The following TAF12 variants were observed in gnomAD, a reference collection of about 807,000 sequenced individuals.
TAF12 encodes TATA-box binding protein associated factor 12.
A neutral mutation model predicts 20.8 loss-of-function variants in TAF12; 3 were observed. The ratio of observed to expected loss-of-function variants is 0.14; its 90% confidence interval spans 0.07 to 0.37. TAF12 has a LOEUF of 0.37. Ranked by LOEUF, TAF12 falls within the 10% of genes least tolerant of loss-of-function variation. The pLI is 1.00. For missense variants in TAF12, 131 were observed against 197.9 expected (o/e 0.66, Z 2.03); for synonymous variants, 69 against 70.2 (o/e 0.98, Z 0.09).
chr1:28,605,963 C>T (rs1156230546), intron 4 of TAF12, among the ~76,000 whole-genome samples: 1 of 152,054 alleles, frequency 6.6e-6, no homozygotes, highest in East Asian at 1.9e-4. Context: ...TCCTGAGTAG[C>T]TGGGATTACA....
chr1:28,624,504 TG>T (rs1331385894), intron 1 of TAF12, among the ~76,000 whole-genome samples: 3 of 152,158 alleles, frequency 2.0e-5, no homozygotes, highest in Admixed American at 2.0e-4. Context: ...CCCAGCACTT[TG>T]GGAGGCCAAG....
chr1:28,605,541 G>A, intron 4 of TAF12, 81 bp from the exon 5 acceptor site: 1 of 1,339,260 alleles, frequency 7.5e-7, no homozygotes, highest in Non-Finnish European at 1.0e-6. Flanking sequence ...TTGGATCAGG[G>A]AGGATGAATG....
At chr1:28,635,497 G>C (rs1018483035) in intron 1 of TAF12, among the ~76,000 whole-genome samples, 1 of 151,246 alleles carries the variant, frequency 6.6e-6, no homozygotes, top group African/African-American at 2.4e-5. Flanking sequence ...AGTAGACATG[G>C]GGTTTCACCG....
upstream of TAF12, chr1:28,643,448 C>T (rs1364022769): frequency 6.6e-6 from 1 of 152,140 alleles, no homozygotes; most frequent in Non-Finnish European, 1.5e-5. Context: ...GGACACATTA[C>T]CCCACAGGTA....
At chr1:28,619,454 C>A (rs1476463193) in intron 2 of TAF12, among the ~76,000 whole-genome samples, 1 of 140,044 alleles carries the variant, frequency 7.1e-6, no homozygotes, top group Non-Finnish European at 1.5e-5. Context: ...GACGAGATTG[C>A]GCCACTGCAC....
intron 2 of TAF12, among the ~76,000 whole-genome samples, chr1:28,621,248 T>TACAC (rs1553128348): frequency 6.6e-6 from 1 of 152,282 alleles, no homozygotes; most frequent in East Asian, 1.9e-4. Flanking sequence ...CTTGAAATAC[T>TACAC]GGGCGAACTC....
intron 1 of TAF12, among the ~76,000 whole-genome samples, chr1:28,637,839 A>G (rs1667890570): frequency 6.6e-6 from 1 of 152,080 alleles, no homozygotes; most frequent in African/African-American, 2.4e-5. Flanking sequence ...GGCTTTCCAT[A>G]AAGAATCCCA....
intron 1 of TAF12, among the ~76,000 whole-genome samples, chr1:28,625,355 A>G (rs906622280): frequency 6.6e-6 from 1 of 152,134 alleles, no homozygotes; most frequent in African/African-American, 2.4e-5. Flanking sequence ...TCTGGGCAAC[A>G]TAGTGAGACA....
At position 28,621,974 on chromosome 1, in the gene TAF12, T is replaced by G; in HGVS notation, c.108A>C (p.Ala36=). 1 of 1,614,132 alleles carries G rather than the reference T, an allele frequency of 6.2e-7. No homozygotes were observed. The highest frequency in any genetic ancestry group is 8.5e-7 in the Non-Finnish European group (1 of 1,180,022). ...PPQGSMANST[A]VVKIPGTPGA... The stretch of plus-strand genomic sequence containing the variant: ...CAGGAGTGCCTGGTATCTTTACCAC[T>G]GCAGTACTATTGGCCATGGAGCCTT... Residue 36 remains alanine, a synonymous_variant, in exon 2 of 6, where the codon GCA becomes GCC. Transcript: ENST00000373824.
At chr1:28,628,317 AT>A (rs1570324304) in intron 1 of TAF12, among the ~76,000 whole-genome samples, 2 of 142,636 alleles carry the variant, frequency 1.4e-5, no homozygotes, top group East Asian at 4.2e-4. Flanking sequence ...GTGAGCCGAG[AT>A]TGCGCCACTG....
At chr1:28,635,276 CTTTTTTTTTTTTTTTTT>C (rs1179724707) in intron 1 of TAF12, among the ~76,000 whole-genome samples, 9 of 100,636 alleles carry the variant, frequency 8.9e-5, no homozygotes, top group African/African-American at 3.3e-4. Context: ...ATCCTCCCTC[CTTTTTTTTTTTTTTTTT>C]TTTTTTTTGA....
At chr1:28,616,708 C>A (rs983204106) in intron 3 of TAF12, among the ~76,000 whole-genome samples, 1 of 151,708 alleles carries the variant, frequency 6.6e-6, no homozygotes, top group Non-Finnish European at 1.5e-5. Flanking sequence ...TATACTCCAG[C>A]CTGGGCAACA....
intron 1 of TAF12, among the ~76,000 whole-genome samples, chr1:28,625,818 G>A (rs1350593630): frequency 6.6e-6 from 1 of 151,634 alleles, no homozygotes; most frequent in African/African-American, 2.4e-5. Flanking sequence ...TGAGATTACA[G>A]GCGTGAGCCA....
At chr1:28,603,605 A>G in intron 5 of TAF12, 31 bp from the exon 6 acceptor site, 1 of 1,613,060 alleles carries the variant, frequency 6.2e-7, no homozygotes, top group Non-Finnish European at 8.5e-7. Flanking sequence ...GCAGTTATAC[A>G]GCAGCAGCTG....
At chr1:28,620,494 G>A (rs2124334466) in intron 2 of TAF12, among the ~76,000 whole-genome samples, 1 of 151,372 alleles carries the variant, frequency 6.6e-6, no homozygotes, top group Admixed American at 6.6e-5. Flanking sequence ...GGAGTGCAGT[G>A]GCGCAATCTC....
chr1:28,626,169 G>C (rs1208411335), intron 1 of TAF12, among the ~76,000 whole-genome samples: 1 of 151,468 alleles, frequency 6.6e-6, no homozygotes, highest in Non-Finnish European at 1.5e-5. Flanking sequence ...AGTAGAGGAG[G>C]GGTTTCACCA....
chr1:28,635,826 T>A lies in TAF12; in HGVS notation c.-85+7166A>T, dbSNP rs75286150. ...TATTCCATTAACTGTTTTTTTTTTT[T>A]TAAAAAAACAAAACAAAGGTGAAGA... On this transcript the variant is annotated intron_variant, in intron 1 of 5. Coordinates refer to ENST00000373824, the MANE Select transcript of TAF12 (RefSeq NM_005644.4). Among the ~76,000 whole-genome samples, 1,291 of 149,392 alleles carry A rather than the reference T, an allele frequency of 8.6e-3. 9 individuals carry two copies. Among genetic ancestry groups the A allele is most frequent in the South Asian group, 0.022 (103 of 4,738 alleles).
intron 1 of TAF12, among the ~76,000 whole-genome samples, chr1:28,630,134 GAA>G (rs1459694826): frequency 2.0e-5 from 3 of 151,838 alleles, no homozygotes; most frequent in Non-Finnish European, 2.9e-5. Flanking sequence ...TTTGTAGAGA[GAA>G]AGTCTCACCA....
intron 3 of TAF12, 40 bp downstream of exon 3, chr1:28,617,913 T>C: frequency 6.3e-7 from 1 of 1,595,730 alleles, no homozygotes; most frequent in Non-Finnish European, 8.6e-7. Flanking sequence ...CTATACCGGT[T>C]CTCAGGGACC....
Sources: allele counts gnomAD v4.1 joint callset (sites outside exome capture counted in the v4.1 genomes callset), GRCh38; gene constraint gnomAD v4.1.1; transcripts MANE v1.5; gene names NCBI Gene and HGNC (gene_info 2026-07-23, HGNC 2026-07-21).